The following TEKT5 variants were observed in gnomAD, a reference collection of about 807,000 sequenced individuals.
TEKT5 encodes the protein tektin 5.
A neutral mutation model predicts 48.7 loss-of-function variants in TEKT5; 52 were observed. That is an observed-to-expected ratio of 1.07 (90% CI 0.86 to 1.35). TEKT5 has a LOEUF of 1.35. TEKT5 is among the 40% of genes most tolerant of loss of function. The pLI is 0.00. For synonymous variants in TEKT5, 318 were observed against 267.6 expected (o/e 1.19, Z -1.84); for missense variants, 831 against 641.6 (o/e 1.30, Z -3.19).
At position 10,638,630 on chromosome 16, in the gene TEKT5, C is replaced by G. The variant is rs189008726; in HGVS notation, c.1087-2712G>C. 4.3e-3 allele frequency among the ~76,000 whole-genome samples: 649 copies of G among 152,346 alleles called. 4 individuals are homozygous for G. The highest frequency in any genetic ancestry group is 5.0e-3 in the Non-Finnish European group (338 of 68,042). On this transcript the variant is annotated intron_variant, in intron 5 of 6. Transcript: ENST00000283025. ...TAAAGAAGCTATTCATCAGCTCCAC[C>G]AGGAACATCTTCATGGGGTCACCTG...
At chr16:10,682,216 G>A (rs887385008) in intron 3 of TEKT5, 80 bp from the exon 4 acceptor site, 308 of 1,518,700 alleles carry the variant, frequency 2.0e-4, no homozygotes, top group Admixed American at 2.8e-4. Context: ...GGTGTGTGTT[G>A]CAAGCCCTGG....
At chr16:10,646,106 G>C (rs1016049174) in intron 5 of TEKT5, among the ~76,000 whole-genome samples, 3 of 151,384 alleles carry the variant, frequency 2.0e-5, no homozygotes, top group Admixed American at 2.0e-4. Context: ...CTGCATTCTA[G>C]CCTGGCCAAC....
At chr16:10,676,874 G>C (rs957364246) in intron 4 of TEKT5, among the ~76,000 whole-genome samples, 4 of 152,138 alleles carry the variant, frequency 2.6e-5, no homozygotes, top group Non-Finnish European at 5.9e-5. Context: ...TACACATTGT[G>C]TTATGTGCTG....
At chr16:10,675,197 C>T (rs918707116) in intron 5 of TEKT5, among the ~76,000 whole-genome samples, 5 of 152,160 alleles carry the variant, frequency 3.3e-5, no homozygotes, top group African/African-American at 9.7e-5. Context: ...CATCCAAGTT[C>T]TTTCTGTGTA....
At chr16:10,637,896 G>A (rs752032342) in intron 5 of TEKT5, among the ~76,000 whole-genome samples, 2 of 152,120 alleles carry the variant, frequency 1.3e-5, no homozygotes, top group Non-Finnish European at 2.9e-5. Context: ...CCACAGCCTC[G>A]ACCTCCAGGG....
chr16:10,678,656 G>C (rs1193527821), intron 4 of TEKT5, among the ~76,000 whole-genome samples: 1 of 152,212 alleles, frequency 6.6e-6, no homozygotes, highest in African/African-American at 2.4e-5. Flanking sequence ...ACTGAGGAAA[G>C]AGGAGACAAT....
chr16:10,644,834 G>T (rs1299471196), intron 5 of TEKT5, among the ~76,000 whole-genome samples: 1 of 152,188 alleles, frequency 6.6e-6, no homozygotes, highest in Non-Finnish European at 1.5e-5. Flanking sequence ...GTAATGGACT[G>T]CCTGAATGTC....
At chr16:10,658,042 C>T (rs1898292816) in intron 5 of TEKT5, among the ~76,000 whole-genome samples, 1 of 152,138 alleles carries the variant, frequency 6.6e-6, no homozygotes, top group Admixed American at 6.6e-5. Context: ...TCATTACTCA[C>T]CCACAAAAGA....
intron 5 of TEKT5, among the ~76,000 whole-genome samples, chr16:10,658,188 A>T (rs1043001359): frequency 3.9e-5 from 6 of 152,078 alleles, no homozygotes; most frequent in Non-Finnish European, 8.8e-5. Flanking sequence ...ATATTTGTCA[A>T]CCTCTGAAAA....
chr16:10,665,663 C>T (rs919975869), intron 5 of TEKT5, among the ~76,000 whole-genome samples: 18 of 152,174 alleles, frequency 1.2e-4, no homozygotes, highest in African/African-American at 4.3e-4. Context: ...CCTTTTGGCA[C>T]AGCTCTCAGA....
chr16:10,678,387 G>A (rs1449987826), intron 4 of TEKT5, among the ~76,000 whole-genome samples: 6 of 152,150 alleles, frequency 3.9e-5, no homozygotes, highest in African/African-American at 1.2e-4. Context: ...CTGAGCCACC[G>A]CACCCGGCCT....
intron 5 of TEKT5, among the ~76,000 whole-genome samples, chr16:10,663,658 A>G (rs1898411087): frequency 6.6e-6 from 1 of 152,198 alleles, no homozygotes; most frequent in Non-Finnish European, 1.5e-5. Flanking sequence ...CACTCTTGAC[A>G]TTTGAGCCCA....
intron 5 of TEKT5, among the ~76,000 whole-genome samples, chr16:10,651,779 G>A (rs1323119986): frequency 6.6e-6 from 1 of 152,240 alleles, no homozygotes; most frequent in Admixed American, 6.5e-5. Context: ...GACAAACATG[G>A]CGAAACCCCG....
chr16:10,659,990 C>T (rs1206727863), intron 5 of TEKT5, among the ~76,000 whole-genome samples: 1 of 152,082 alleles, frequency 6.6e-6, no homozygotes, highest in Non-Finnish European at 1.5e-5. Flanking sequence ...TCATTTTTGT[C>T]TCCACCACTC....
chr16:10,627,552 G>A lies in TEKT5; in HGVS notation c.*31C>T, dbSNP rs746839115. The A allele has an allele frequency of 3.1e-5, 50 of 1,607,094 alleles. No individual in the cohort carries two copies. Among genetic ancestry groups the A allele is most frequent in the South Asian group, 5.5e-5 (5 of 90,922 alleles). ...GTTTCTCAGCCTTTTCCAATTTTAC[G>A]CCAGCGCGGAATGAGGCGCCAGGGC... is the stretch of plus-strand genomic sequence containing the variant. On this transcript the variant is annotated 3_prime_UTR_variant, in exon 7 of 7. Coordinates refer to ENST00000283025, the MANE Select transcript of TEKT5 (RefSeq NM_144674.2).
intron 6 of TEKT5, among the ~76,000 whole-genome samples, chr16:10,628,204 G>C (rs1303999458): frequency 6.6e-6 from 1 of 152,196 alleles, no homozygotes; most frequent in Non-Finnish European, 1.5e-5. Context: ...AACTGTGCCT[G>C]GCACTGAGAG....
intron 5 of TEKT5, among the ~76,000 whole-genome samples, chr16:10,640,604 C>T (rs1172759746): frequency 2.0e-5 from 3 of 152,128 alleles, no homozygotes; most frequent in Non-Finnish European, 2.9e-5. Context: ...TTCTGTATAC[C>T]GCTTTACAAT....
At chr16:10,666,954 A>G (rs1260164408) in intron 5 of TEKT5, among the ~76,000 whole-genome samples, 2 of 148,254 alleles carry the variant, frequency 1.3e-5, no homozygotes, top group East Asian at 2.0e-4. Context: ...ACTAAACTTC[A>G]TTCAGCCTAA....
intron 5 of TEKT5, among the ~76,000 whole-genome samples, chr16:10,670,564 T>C (rs1243859988): frequency 6.6e-6 from 1 of 152,166 alleles, no homozygotes; most frequent in African/African-American, 2.4e-5. Context: ...AAGTAAACTG[T>C]TGAAAAGTGA....
Sources: allele counts gnomAD v4.1 joint callset (sites outside exome capture counted in the v4.1 genomes callset), GRCh38; gene constraint gnomAD v4.1.1; transcripts MANE v1.5; gene names NCBI Gene and HGNC (gene_info 2026-07-23, HGNC 2026-07-21).